COBL: variants seen among roughly 807,000 people sequenced by gnomAD.
COBL encodes cordon-bleu WH2 repeat protein.
A neutral mutation model predicts 98.8 loss-of-function variants in COBL; 51 were observed. The observed-to-expected ratio is 0.52, with a 90% CI of 0.41 to 0.65. The LOEUF (loss-of-function observed/expected upper bound fraction) is 0.65, where lower values mean the gene tolerates loss of function less well. Ranked by LOEUF, COBL falls within the 30% of genes least tolerant of loss-of-function variation. The pLI is 0.00. For missense variants in COBL, 1,617 were observed against 1,617.5 expected (o/e 1.00, Z 0.01); for synonymous variants, 634 against 651.7 (o/e 0.97, Z 0.41).
intron 3 of COBL, 88 bp downstream of exon 3, chr7:51,193,291 G>C: frequency 3.4e-6 from 4 of 1,192,914 alleles, no homozygotes; most frequent in Non-Finnish European, 4.9e-6. Flanking sequence ...TCTCTGCACT[G>C]TACTTTGATA....
intron 1 of COBL, among the ~76,000 whole-genome samples, chr7:51,264,425 A>G (rs2129153075): frequency 6.6e-6 from 1 of 152,210 alleles, no homozygotes; most frequent in African/African-American, 2.4e-5. Context: ...AATCCTACCA[A>G]TTTGGGAGGT....
intron 7 of COBL, chr7:51,073,321 G>T: frequency 1.4e-6 from 1 of 693,288 alleles, no homozygotes. Flanking sequence ...AAAGGTCCGA[G>T]GTCAGGAAGA....
chr7:51,241,325 T>C (rs1185618898), intron 1 of COBL, among the ~76,000 whole-genome samples: 1 of 152,208 alleles, frequency 6.6e-6, no homozygotes, highest in Admixed American at 6.5e-5. Flanking sequence ...ATACACACTA[T>C]TTTGCATGTT....
Position 51,093,203 on chromosome 7 carries a change from A to C in COBL, c.958-7899T>G, listed in dbSNP as rs138024476. On this transcript the variant is annotated intron_variant, in intron 6 of 12. Transcript: ENST00000265136. ...GCAAAAAACTAAATAACTGAATTAA[A>C]AAGTGGGCAAAGAATGTGAACAGAC... Among the ~76,000 whole-genome samples the C allele has an allele frequency of 4.9e-3, 750 of 152,328 alleles. 4 individuals are homozygous for C. Among genetic ancestry groups the C allele is most frequent in the African/African-American group, 0.017 (699 of 41,568 alleles).
At chr7:51,243,919 AC>A (rs1390664748) in intron 1 of COBL, among the ~76,000 whole-genome samples, 1 of 152,200 alleles carries the variant, frequency 6.6e-6, no homozygotes, top group Non-Finnish European at 1.5e-5. Flanking sequence ...AGATGACACA[AC>A]CACGGGGAAA....
intron 7 of COBL, among the ~76,000 whole-genome samples, chr7:51,061,694 A>G (rs1791375833): frequency 6.6e-6 from 1 of 152,154 alleles, no homozygotes; most frequent in Admixed American, 6.5e-5. Flanking sequence ...GTGGGCAGGC[A>G]TCCTATCTGC....
chr7:51,203,276 C>T (rs1791320935), intron 2 of COBL, among the ~76,000 whole-genome samples: 1 of 121,608 alleles, frequency 8.2e-6, no homozygotes, highest in African/African-American at 3.8e-5. Flanking sequence ...TCCTGGCTAA[C>T]ACGGTGAAAC....
intron 1 of COBL, among the ~76,000 whole-genome samples, chr7:51,243,086 G>C (rs574450186): frequency 1.3e-5 from 2 of 152,354 alleles, no homozygotes; most frequent in South Asian, 4.1e-4. Context: ...CTGCTTGGAT[G>C]AGTGAGCCAG....
At chr7:51,222,892 C>A (rs1793789777) in intron 1 of COBL, among the ~76,000 whole-genome samples, 1 of 152,150 alleles carries the variant, frequency 6.6e-6, no homozygotes, top group African/African-American at 2.4e-5. Flanking sequence ...GACTGCCCCA[C>A]ACTTATCCCC....
intron 7 of COBL, among the ~76,000 whole-genome samples, chr7:51,062,824 G>A (rs370868999): frequency 7.2e-5 from 11 of 152,136 alleles, no homozygotes; most frequent in African/African-American, 1.9e-4. Context: ...TGCTGGTCCC[G>A]GCTCAGCTGT....
chr7:51,176,837 CTG>C (rs1158326057), intron 5 of COBL, among the ~76,000 whole-genome samples: 2 of 152,104 alleles, frequency 1.3e-5, no homozygotes, highest in Non-Finnish European at 2.9e-5. Context: ...GTGTACACGT[CTG>C]TGTTTGTATA....
At chr7:51,260,175 G>T in intron 1 of COBL, 1 of 926,370 alleles carries the variant, frequency 1.1e-6, no homozygotes, top group Non-Finnish European at 1.7e-6. Flanking sequence ...TATCTTTCTA[G>T]AGTTGTAGCT....
At chr7:51,050,713 G>A (rs900659092) in intron 7 of COBL, among the ~76,000 whole-genome samples, 9 of 152,182 alleles carry the variant, frequency 5.9e-5, no homozygotes, top group African/African-American at 2.2e-4. Flanking sequence ...ACGGACTGCA[G>A]AGGAACATAG....
intron 1 of COBL, among the ~76,000 whole-genome samples, chr7:51,315,354 G>A (rs933447738): frequency 3.3e-5 from 5 of 151,928 alleles, no homozygotes; most frequent in African/African-American, 1.2e-4. Context: ...CCTTTTCCTG[G>A]CATTAAAGGA....
At chr7:51,252,363 G>T (rs1796798051) in intron 1 of COBL, among the ~76,000 whole-genome samples, 1 of 152,126 alleles carries the variant, frequency 6.6e-6, no homozygotes, top group Non-Finnish European at 1.5e-5. Context: ...AGCATCAGCA[G>T]TCACCCCCTT....
At chr7:51,119,219 C>T (rs781263505) in intron 6 of COBL, among the ~76,000 whole-genome samples, 5 of 152,074 alleles carry the variant, frequency 3.3e-5, no homozygotes, top group Non-Finnish European at 7.4e-5. Context: ...TTCTAAGGTA[C>T]CATAGTATTT....
At position 51,028,856 on chromosome 7, in the gene COBL, A is replaced by G; in HGVS notation, c.2240T>C (p.Ile747Thr). The G allele has an allele frequency of 1.9e-6, 3 of 1,614,222 alleles. No individual in the cohort carries two copies. Among genetic ancestry groups the G allele is most frequent in the Non-Finnish European group, 2.5e-6 (3 of 1,180,030 alleles). ...GNLVSPHATG[I>T]RIISLSSSVP... ...AGACGAAGACAGGGAAATGATCCTG[A>G]TGCCGGTGGCGTGAGGACTCACCAA... The change falls in exon 10 of 13, where the codon ATC becomes ACC. Residue 747 changes from isoleucine (I) to threonine (T), a missense_variant. Transcript: ENST00000265136.
At chr7:51,065,072 C>T (rs1005633624) in intron 7 of COBL, 3 of 645,478 alleles carry the variant, frequency 4.6e-6, no homozygotes, top group Admixed American at 2.2e-5. Context: ...ATTTAGAAGT[C>T]GGTCCATAGA....
At chr7:51,278,414 T>C (rs1799506976) in intron 1 of COBL, among the ~76,000 whole-genome samples, 2 of 130,470 alleles carry the variant, frequency 1.5e-5, no homozygotes, top group Non-Finnish European at 3.1e-5. Flanking sequence ...ACAGTCTCAC[T>C]CTGTCGCCAG....
Sources: allele counts gnomAD v4.1 joint callset (sites outside exome capture counted in the v4.1 genomes callset), GRCh38; gene constraint gnomAD v4.1.1; transcripts MANE v1.5; gene names NCBI Gene and HGNC (gene_info 2026-07-23, HGNC 2026-07-21).